NEGR1: variants seen among roughly 807,000 people sequenced by gnomAD.
NEGR1 encodes the protein neuronal growth regulator 1.
NEGR1 carries 10 observed loss-of-function variants against 40.9 expected under a neutral mutation model. That is an observed-to-expected ratio of 0.24 (90% CI 0.15 to 0.42). The LOEUF (loss-of-function observed/expected upper bound fraction) is 0.42, where lower values mean the gene tolerates loss of function less well. Ranked by LOEUF, NEGR1 falls within the 10% of genes least tolerant of loss-of-function variation. The probability of loss-of-function intolerance (pLI) is 1.00; values close to 1 mark genes in which losing one functional copy is unlikely to be tolerated. For missense variants in NEGR1, 352 were observed against 438.9 expected, an observed-to-expected ratio of 0.80 and a Z score of 1.77; for synonymous variants, 185 against 166.8, an observed-to-expected ratio of 1.11 and a Z score of -0.84.
chr1:72,228,047 G>A (rs748294670), intron 1 of NEGR1, among the ~76,000 whole-genome samples: 24 of 152,180 alleles, frequency 1.6e-4, no homozygotes, highest in Admixed American at 4.6e-4. Context: ...TTAGAAAGAT[G>A]CCTTGCACAC....
intron 2 of NEGR1, among the ~76,000 whole-genome samples, chr1:71,854,207 T>C (rs1659693296): frequency 6.6e-6 from 1 of 151,922 alleles, no homozygotes. Context: ...TTTTGGTACC[T>C]TTTACATACT....
At chr1:71,555,890 G>A (rs1027306052) in intron 6 of NEGR1, among the ~76,000 whole-genome samples, 5 of 151,470 alleles carry the variant, frequency 3.3e-5, no homozygotes, top group Admixed American at 3.3e-4. Context: ...TGAGGAAGAC[G>A]TACTTGAGAA....
intron 3 of NEGR1, among the ~76,000 whole-genome samples, chr1:71,720,369 T>A (rs556121744): frequency 6.6e-6 from 1 of 152,298 alleles, no homozygotes; most frequent in South Asian, 2.1e-4. Context: ...AAGTTAGTAG[T>A]GTACCAACGA....
chr1:71,563,383 T>C (rs1344201893), intron 6 of NEGR1, among the ~76,000 whole-genome samples: 1 of 152,000 alleles, frequency 6.6e-6, no homozygotes, highest in Non-Finnish European at 1.5e-5. Flanking sequence ...CTGGACTCCA[T>C]GAGCTAGATC....
intron 4 of NEGR1, among the ~76,000 whole-genome samples, chr1:71,688,878 G>C (rs72942302): frequency 0.029 from 4,446 of 152,172 alleles, 222 homozygotes; most frequent in African/African-American, 0.1. Flanking sequence ...CAATCTTTAA[G>C]GTGTTTATAA....
At chr1:71,438,514 G>T (rs1228451311) in intron 6 of NEGR1, among the ~76,000 whole-genome samples, 1 of 152,058 alleles carries the variant, frequency 6.6e-6, no homozygotes, top group Non-Finnish European at 1.5e-5. Context: ...CCACTTTCAG[G>T]GCAATAAAGA....
At chr1:71,854,237 C>T (rs992343876) in intron 2 of NEGR1, among the ~76,000 whole-genome samples, 4 of 152,130 alleles carry the variant, frequency 2.6e-5, no homozygotes, top group South Asian at 4.2e-4. Flanking sequence ...ACATTTAGAA[C>T]ACTGACTGCA....
intron 1 of NEGR1, among the ~76,000 whole-genome samples, chr1:72,032,571 TC>T (rs1646867965): frequency 6.6e-6 from 1 of 152,160 alleles, no homozygotes; most frequent in Admixed American, 6.6e-5. Context: ...TTGAGTTTCA[TC>T]AGTTTCCTTC....
At chr1:71,799,977 G>C (rs1415980423) in intron 2 of NEGR1, among the ~76,000 whole-genome samples, 1 of 152,124 alleles carries the variant, frequency 6.6e-6, no homozygotes, top group Admixed American at 6.6e-5. Flanking sequence ...TTCCCAAAGT[G>C]CTGGGATTAC....
At chr1:72,209,956 A>G (rs1173589049) in intron 1 of NEGR1, among the ~76,000 whole-genome samples, 1 of 151,942 alleles carries the variant, frequency 6.6e-6, no homozygotes, top group Non-Finnish European at 1.5e-5. Context: ...CAGACATTTC[A>G]TATTTATTGA....
intron 2 of NEGR1, among the ~76,000 whole-genome samples, chr1:71,830,222 A>G (rs991442305): frequency 6.6e-6 from 1 of 151,906 alleles, no homozygotes; most frequent in African/African-American, 2.4e-5. Context: ...TGACTCATTT[A>G]TTTATTATTT....
intron 1 of NEGR1, among the ~76,000 whole-genome samples, chr1:72,152,890 T>C (rs1163021143): frequency 1.3e-5 from 2 of 151,854 alleles, no homozygotes; most frequent in African/African-American, 4.8e-5. Context: ...GACAGAAAAC[T>C]AAATACCATG....
chr1:71,681,519 T>A lies in NEGR1; in HGVS notation c.667+16489A>T, dbSNP rs556099001. Reference sequence around the variant, plus strand: ...TGATCTTTTTTTATTTTAAGGTGTTTTGACATTGCTTTTTCTTTGGTTTGC... The same window carrying A: ...TGATCTTTTTTTATTTTAAGGTGTTATGACATTGCTTTTTCTTTGGTTTGC... On this transcript the variant is annotated intron_variant, in intron 4 of 6. Coordinates refer to ENST00000357731, the MANE Select transcript of NEGR1 (RefSeq NM_173808.3). Among the ~76,000 whole-genome samples, 7 of 152,322 alleles carry A rather than the reference T, an allele frequency of 4.6e-5. No individual in the cohort carries two copies. The South Asian group carries it at 1.2e-3, about 27-fold the overall frequency.
intron 6 of NEGR1, chr1:71,461,846 A>G (rs2101344426): frequency 6.6e-6 from 1 of 152,314 alleles, no homozygotes; most frequent in East Asian, 1.9e-4. Flanking sequence ...GCTGTGAAGT[A>G]GGCATTGTTA....
intron 4 of NEGR1, among the ~76,000 whole-genome samples, chr1:71,615,579 T>A (rs1056629676): frequency 3.3e-5 from 5 of 152,214 alleles, no homozygotes; most frequent in African/African-American, 1.2e-4. Flanking sequence ...TTTAACACAC[T>A]GTTTTAGAAA....
At chr1:72,195,011 T>A (rs548078031) in intron 1 of NEGR1, among the ~76,000 whole-genome samples, 1 of 152,140 alleles carries the variant, frequency 6.6e-6, no homozygotes, top group South Asian at 2.1e-4. Flanking sequence ...GGCTTCTCCC[T>A]CATGCATGTG....
At chr1:72,077,178 G>C (rs1375743274) in intron 1 of NEGR1, among the ~76,000 whole-genome samples, 2 of 152,018 alleles carry the variant, frequency 1.3e-5, no homozygotes, top group Admixed American at 6.6e-5. Flanking sequence ...ACAGACATGA[G>C]CCACCGTGCC....
intron 6 of NEGR1, among the ~76,000 whole-genome samples, chr1:71,425,022 C>A (rs1474272392): frequency 6.6e-6 from 1 of 151,856 alleles, no homozygotes; most frequent in South Asian, 2.1e-4. Flanking sequence ...CAATAGAAAG[C>A]AAATGCAAGT....
chr1:71,418,922 T>G (rs1443940640), intron 6 of NEGR1, among the ~76,000 whole-genome samples: 1 of 152,254 alleles, frequency 6.6e-6, no homozygotes, highest in African/African-American at 2.4e-5. Context: ...TGAGATAAAT[T>G]TGCAAAATAC....
Sources: allele counts gnomAD v4.1 joint callset (sites outside exome capture counted in the v4.1 genomes callset), GRCh38; gene constraint gnomAD v4.1.1; transcripts MANE v1.5; gene names NCBI Gene and HGNC (gene_info 2026-07-23, HGNC 2026-07-21).